ZNF804B: variants seen among roughly 807,000 people sequenced by gnomAD.
ZNF804B encodes the protein zinc finger 804B.
ZNF804B carries 80 observed loss-of-function variants against 101.4 expected under a neutral mutation model. The ratio of observed to expected loss-of-function variants is 0.79; its 90% confidence interval spans 0.66 to 0.95. The LOEUF (loss-of-function observed/expected upper bound fraction) is 0.95, where lower values mean the gene tolerates loss of function less well. Ranked by LOEUF, ZNF804B falls within the 40% of genes least tolerant of loss-of-function variation. ZNF804B has a pLI of 0.00. For missense variants in ZNF804B, 1,673 were observed against 1,561.9 expected (o/e 1.07, Z -1.20); for synonymous variants, 622 against 558.8 (o/e 1.11, Z -1.59).
intron 2 of ZNF804B, among the ~76,000 whole-genome samples, chr7:89,220,454 GA>G (rs1320733678): frequency 1.3e-5 from 2 of 151,712 alleles, no homozygotes; most frequent in Non-Finnish European, 3.0e-5. Flanking sequence ...AATTGAAAAT[GA>G]AAAATTTCAA....
chr7:88,869,776 C>T (rs1365651287), intron 1 of ZNF804B, among the ~76,000 whole-genome samples: 1 of 152,044 alleles, frequency 6.6e-6, no homozygotes, highest in Non-Finnish European at 1.5e-5. Flanking sequence ...GCAAGTATTA[C>T]TGACTTCAGA....
chr7:88,936,010 T>C (rs1326855970), intron 1 of ZNF804B, among the ~76,000 whole-genome samples: 1 of 151,498 alleles, frequency 6.6e-6, no homozygotes, highest in Non-Finnish European at 1.5e-5. Flanking sequence ...CCATTTCTTT[T>C]TTTCTTCCTC....
At chr7:88,943,965 C>T (rs374546307) in intron 1 of ZNF804B, among the ~76,000 whole-genome samples, 2 of 151,708 alleles carry the variant, frequency 1.3e-5, no homozygotes, top group East Asian at 3.9e-4. Flanking sequence ...AATAGTATTG[C>T]AATGCGTGGC....
At chr7:89,292,126 G>A (rs1790306089) in intron 2 of ZNF804B, among the ~76,000 whole-genome samples, 1 of 151,506 alleles carries the variant, frequency 6.6e-6, no homozygotes, top group Non-Finnish European at 1.5e-5. Context: ...CACCATACCT[G>A]TCTGTCCTAC....
intron 2 of ZNF804B, among the ~76,000 whole-genome samples, chr7:89,289,980 A>G (rs1056635586): frequency 1.3e-5 from 2 of 152,130 alleles, no homozygotes; most frequent in African/African-American, 4.8e-5. Flanking sequence ...AGGGAGAGAG[A>G]AGAGTAAAGA....
intron 1 of ZNF804B, among the ~76,000 whole-genome samples, chr7:88,877,028 T>TA (rs1327075380): frequency 5.5e-5 from 2 of 36,318 alleles, no homozygotes; most frequent in African/African-American, 1.6e-4. Flanking sequence ...ATATATATAA[T>TA]ATATATATAT....
rs146289377 is a variant in ZNF804B at position 88,992,569 on chromosome 7, C to G, written c.109-225586C>G. 1.9e-3 allele frequency among the ~76,000 whole-genome samples: 289 copies of G among 152,200 alleles called. 2 individuals are homozygous for G. Among genetic ancestry groups the G allele is most frequent in the African/African-American group, 6.7e-3 (279 of 41,566 alleles). ...GGGCTATGGTTAAAAAATCTACTTT[C>G]AAGCTCATTTTAGAGAAAATGACTT... On this transcript the variant is annotated intron_variant, in intron 1 of 3. Transcript: ENST00000333190.
At chr7:89,031,807 A>G (rs1788840467) in intron 1 of ZNF804B, among the ~76,000 whole-genome samples, 1 of 152,068 alleles carries the variant, frequency 6.6e-6, no homozygotes, top group South Asian at 2.1e-4. Flanking sequence ...TTTAATTTAT[A>G]TCATTTCATG....
chr7:89,191,831 G>A (rs1043818982), intron 1 of ZNF804B, among the ~76,000 whole-genome samples: 5 of 152,068 alleles, frequency 3.3e-5, no homozygotes, highest in Non-Finnish European at 7.4e-5. Flanking sequence ...AAGTGTGATA[G>A]GTGGCAGAGA....
At chr7:88,911,406 A>G (rs923286484) in intron 1 of ZNF804B, among the ~76,000 whole-genome samples, 5 of 149,734 alleles carry the variant, frequency 3.3e-5, no homozygotes, top group African/African-American at 9.7e-5. Context: ...ACAAATGTAT[A>G]TATCATTATA....
intron 1 of ZNF804B, among the ~76,000 whole-genome samples, chr7:88,836,642 G>T (rs980279283): frequency 1.3e-5 from 2 of 151,892 alleles, no homozygotes; most frequent in Admixed American, 1.3e-4. Context: ...ATGCACAAAT[G>T]AGTAAATGAA....
chr7:89,304,538 TG>T (rs1790532181), intron 2 of ZNF804B, among the ~76,000 whole-genome samples: 1 of 151,716 alleles, frequency 6.6e-6, no homozygotes, highest in South Asian at 2.1e-4. Context: ...TATGTGTGTG[TG>T]TGTATGTGTG....
chr7:88,796,097 G>A (rs1411089544), intron 1 of ZNF804B, among the ~76,000 whole-genome samples: 1 of 151,870 alleles, frequency 6.6e-6, no homozygotes, highest in Non-Finnish European at 1.5e-5. Flanking sequence ...GTAAGATTTG[G>A]CTTACTTAAC....
At chr7:88,872,491 T>G (rs1399248632) in intron 1 of ZNF804B, among the ~76,000 whole-genome samples, 1 of 152,148 alleles carries the variant, frequency 6.6e-6, no homozygotes, top group East Asian at 1.9e-4. Flanking sequence ...TATTATACTT[T>G]AAGTTTTAGG....
intron 1 of ZNF804B, among the ~76,000 whole-genome samples, chr7:88,938,001 A>T (rs1792998448): frequency 6.6e-6 from 1 of 152,070 alleles, no homozygotes; most frequent in Non-Finnish European, 1.5e-5. Context: ...CCAAGGTGGT[A>T]GGGGCGCAGA....
chr7:88,967,964 G>A lies in ZNF804B; in HGVS notation c.108+207880G>A, dbSNP rs148554648. ...TCTTGGAAGCTGAGCAGGGTCTTTG[G>A]CTTGGTTGGTAATTTAACTGGACAC... On this transcript the variant is annotated intron_variant, in intron 1 of 3. Transcript: ENST00000333190. Among the ~76,000 whole-genome samples, 16 of 151,552 alleles carry A rather than the reference G, an allele frequency of 1.1e-4. No individual in the cohort carries two copies. The East Asian group carries it at 3.0e-3, about 28-fold the overall frequency.
chr7:89,032,302 G>T (rs182176094), intron 1 of ZNF804B, among the ~76,000 whole-genome samples: 1 of 151,584 alleles, frequency 6.6e-6, no homozygotes, highest in Non-Finnish European at 1.5e-5. Context: ...TCTTGTGTTG[G>T]GGGGACAGGA....
rs571475392 is a variant in ZNF804B, at chr7:89,116,101, A to G, written c.109-102054A>G. 2.0e-4 allele frequency among the ~76,000 whole-genome samples: 31 copies of G among 151,616 alleles called. No individual in the cohort carries two copies. In the South Asian group the frequency reaches 3.8e-3, roughly 18 times the overall value. On this transcript the variant is annotated intron_variant, in intron 1 of 3. Coordinates refer to ENST00000333190, the MANE Select transcript of ZNF804B (RefSeq NM_181646.5). ...TTTTTTTTTTGTATTTTTAGTAAAAACAGTGTTTCGCCATGTTCCCCAAGC... is the reference window on the plus strand; with the variant it reads ...TTTTTTTTTTGTATTTTTAGTAAAAGCAGTGTTTCGCCATGTTCCCCAAGC...
At chr7:89,309,537 A>G (rs889004326) in intron 2 of ZNF804B, among the ~76,000 whole-genome samples, 2 of 152,034 alleles carry the variant, frequency 1.3e-5, no homozygotes, top group African/African-American at 4.8e-5. Flanking sequence ...CAAAGCAGGC[A>G]GATCACAATG....
Sources: gnomAD v4.1 joint callset for allele counts (sites outside exome capture counted in the v4.1 genomes callset) on GRCh38, gnomAD v4.1.1 for gene constraint, MANE v1.5 for transcripts, NCBI Gene and HGNC (gene_info 2026-07-23, HGNC 2026-07-21) for gene names.